COPS2: variants seen among roughly 807,000 people sequenced by gnomAD.
COPS2 encodes the protein COP9 signalosome complex subunit 2.
Under a neutral mutation model 66.1 loss-of-function variants are expected in COPS2, and 10 were observed. The observed-to-expected ratio is 0.15, with a 90% CI of 0.09 to 0.26. The LOEUF (loss-of-function observed/expected upper bound fraction) is 0.26, where lower values mean the gene tolerates loss of function less well. Ranked by LOEUF, COPS2 falls within the 10% of genes least tolerant of loss-of-function variation. The pLI, the probability that COPS2 is intolerant of heterozygous loss-of-function variation, is 1.00. For synonymous variants in COPS2, 179 were observed against 171.3 expected (o/e 1.04, Z -0.35); for missense variants, 215 against 513.3 (o/e 0.42, Z 5.62).
Position 49,128,567 on chromosome 15 carries a change from A to G in COPS2, c.1187+135T>C, listed in dbSNP as rs549235233. On this transcript the variant is annotated intron_variant, in intron 12 of 12. Coordinates refer to ENST00000388901, the MANE Select transcript of COPS2 (RefSeq NM_004236.4). ...ATCAAAAACCATCACACATACATAT[A>G]TATCTCTTCTAATAGAAAACCATAC... 53 of 590,168 alleles carry G rather than the reference A, an allele frequency of 9.0e-5. No individual in the cohort carries two copies. In the South Asian group the frequency reaches 1.2e-3, roughly 14 times the overall value. 36.6% of individuals were successfully genotyped at this position (590,168 alleles called of 1,614,324 possible). A position where few individuals can be genotyped will look rare whatever the true frequency, so the allele number is the denominator to read the frequency against.
At chr15:49,133,368 C>T (rs2084228561) in intron 9 of COPS2, among the ~76,000 whole-genome samples, 1 of 152,182 alleles carries the variant, frequency 6.6e-6, no homozygotes, top group East Asian at 1.9e-4. Context: ...CTTATGCTGT[C>T]TTGTCTTACT....
At chr15:49,151,800 C>T (rs1199410478) in intron 1 of COPS2, among the ~76,000 whole-genome samples, 1 of 148,272 alleles carries the variant, frequency 6.7e-6, no homozygotes, top group African/African-American at 2.5e-5. Context: ...CTTTTATATT[C>T]GTTTCTTTTT....
intron 9 of COPS2, among the ~76,000 whole-genome samples, chr15:49,132,321 C>G (rs758726608): frequency 8.0e-5 from 12 of 150,826 alleles, no homozygotes; most frequent in Middle Eastern, 6.8e-3. Flanking sequence ...GTTTTTAATT[C>G]CAAACTGTTC....
chr15:49,144,939 A>G, intron 2 of COPS2, 26 bp downstream of exon 2: 1 of 1,307,226 alleles, frequency 7.6e-7, no homozygotes, highest in South Asian at 1.3e-5. Context: ...ATTAACACAT[A>G]GAATCAAATG....
At chr15:49,130,648 G>T in intron 10 of COPS2, 71 bp downstream of exon 10, 2 of 857,290 alleles carry the variant, frequency 2.3e-6, no homozygotes, top group Non-Finnish European at 3.8e-6. Flanking sequence ...ATGCCATGCA[G>T]CTTCATTAAG....
rs1443981232 is a variant in COPS2 at position 49,127,302 on chromosome 15, C to G, written c.*648G>C. ...TTGAAATTTCGAAGGTACTAAAAAA[C>G]AAAACAACTCCAAATGTAATAAAAA... On this transcript the variant is annotated 3_prime_UTR_variant, in exon 13 of 13. Transcript: ENST00000388901. 2 of 152,092 alleles carry G rather than the reference C, an allele frequency of 1.3e-5. No individual in the cohort carries two copies. The highest frequency in any genetic ancestry group is 2.9e-5 in the Non-Finnish European group (2 of 67,906). The allele number at this position is 152,092 out of a possible 1,614,324, so 9.4% of individuals were successfully genotyped here. A position where few individuals can be genotyped will look rare whatever the true frequency, so the allele number is the denominator to read the frequency against.
chr15:49,145,175 T>C, intron 1 of COPS2, 97 bp from the exon 2 acceptor site: 1 of 599,208 alleles, frequency 1.7e-6, no homozygotes, highest in Non-Finnish European at 2.8e-6. Flanking sequence ...AAAAACCACA[T>C]ATTTTTACAA....
intron 11 of COPS2, 52 bp downstream of exon 11, chr15:49,129,425 G>A (rs1473188392): frequency 1.4e-6 from 1 of 707,136 alleles, no homozygotes; most frequent in East Asian, 3.3e-5. Context: ...CTGGTATACT[G>A]CATTTATAAC....
At chr15:49,145,127 A>G (rs2141131140) in intron 1 of COPS2, 49 bp from the exon 2 acceptor site, 2 of 970,680 alleles carry the variant, frequency 2.1e-6, no homozygotes, top group East Asian at 5.2e-5. Flanking sequence ...AAAGAAACCC[A>G]CACGTAGCAA....
chr15:49,141,191 TA>T (rs1019950919), intron 3 of COPS2, among the ~76,000 whole-genome samples: 3 of 152,114 alleles, frequency 2.0e-5, no homozygotes, highest in Admixed American at 6.6e-5. Context: ...GGCACTGAAA[TA>T]GGAGTTTTGC....
rs189218768 is a variant in COPS2, at chr15:49,126,419, C to T, written c.*1531G>A. 7 of 152,464 alleles carry T rather than the reference C, an allele frequency of 4.6e-5. No homozygotes were observed. In the East Asian group the frequency reaches 1.4e-3, roughly 29 times the overall value. 9.4% of individuals were successfully genotyped at this position (152,464 alleles called of 1,614,324 possible). On this transcript the variant is annotated 3_prime_UTR_variant, in exon 13 of 13. Coordinates refer to ENST00000388901, the MANE Select transcript of COPS2 (RefSeq NM_004236.4). ...GCCTTGTTTTAAGTCCATGCTCCTT[C>T]CACTGTTTATAAAATCTGATTTAAT... is the stretch of plus-strand genomic sequence containing the variant.
At chr15:49,132,803 T>C (rs928326118) in intron 9 of COPS2, among the ~76,000 whole-genome samples, 4 of 152,088 alleles carry the variant, frequency 2.6e-5, no homozygotes, top group African/African-American at 4.8e-5. Context: ...CCTTTTCTTC[T>C]AGGTTTTTTG....
At chr15:49,155,382 G>T in intron 1 of COPS2, 143 bp downstream of exon 1, 1 of 710,936 alleles carries the variant, frequency 1.4e-6, no homozygotes, top group African/African-American at 1.8e-5. Context: ...CGGGAACGGG[G>T]AGGAGGTAAA....
intron 3 of COPS2, among the ~76,000 whole-genome samples, chr15:49,142,662 A>G (rs1030479096): frequency 6.6e-6 from 1 of 152,210 alleles, no homozygotes; most frequent in African/African-American, 2.4e-5. Flanking sequence ...TTAGTGATCT[A>G]AGATTCATGT....
At chr15:49,139,921 CACA>C (rs1304890718) in intron 3 of COPS2, among the ~76,000 whole-genome samples, 3 of 152,142 alleles carry the variant, frequency 2.0e-5, no homozygotes, top group Admixed American at 6.5e-5. Flanking sequence ...ATTGTCATTG[CACA>C]ACATATTTAA....
Position 49,128,094 on chromosome 15 carries a change from G to A in COPS2, c.1188C>T (p.Asn396=). 2 of 1,612,066 alleles carry A rather than the reference G, an allele frequency of 1.2e-6. No individual in the cohort carries two copies. The highest frequency in any genetic ancestry group is 8.5e-7 in the Non-Finnish European group (1 of 1,179,008). Residue 396 remains asparagine, a splice_region_variant and synonymous_variant, in exon 13 of 13, where the codon AAC becomes AAT. Transcript: ENST00000388901. The part of the protein sequence containing the change: ...ESLLVQCILD[N]TIHGRIDQVN... ...CTTGATCAATTCGGCCATGAATAGT[G>A]CTAGAAAGAAATAAATAAGATGTGT...
At chr15:49,135,338 T>C (rs557275584) in intron 6 of COPS2, among the ~76,000 whole-genome samples, 1 of 152,284 alleles carries the variant, frequency 6.6e-6, no homozygotes, top group African/African-American at 2.4e-5. Context: ...AAAAAGCCCT[T>C]CCTAAGTCCC....
chr15:49,152,614 G>A (rs1026818250), intron 1 of COPS2, among the ~76,000 whole-genome samples: 3 of 152,112 alleles, frequency 2.0e-5, no homozygotes, highest in Non-Finnish European at 4.4e-5. Flanking sequence ...TTGAGGTCAG[G>A]AGTTCAAGAC....
intron 1 of COPS2, among the ~76,000 whole-genome samples, chr15:49,154,207 C>T (rs1358740700): frequency 6.6e-6 from 1 of 152,068 alleles, no homozygotes; most frequent in Non-Finnish European, 1.5e-5. Flanking sequence ...ATTTTGATAA[C>T]AAAACACCTG....
Sources: allele counts gnomAD v4.1 joint callset (sites outside exome capture counted in the v4.1 genomes callset), GRCh38; gene constraint gnomAD v4.1.1; transcripts MANE v1.5; gene names NCBI Gene and HGNC (gene_info 2026-07-23, HGNC 2026-07-21).